KIAA0513: variants seen among roughly 807,000 people sequenced by gnomAD.
KIAA0513 encodes the protein KIAA0513.
A neutral mutation model predicts 56.5 loss-of-function variants in KIAA0513; 39 were observed. The ratio of observed to expected loss-of-function variants is 0.69; its 90% CI spans 0.53 to 0.90. The LOEUF (loss-of-function observed/expected upper bound fraction) is 0.90, where lower values mean the gene tolerates loss of function less well. Among genes scored for constraint, KIAA0513 ranks in the 40% least tolerant of loss-of-function variants. The pLI is 0.00. For synonymous variants in KIAA0513, 268 were observed against 215.6 expected (o/e 1.24, Z -2.13); for missense variants, 591 against 535.2 (o/e 1.10, Z -1.03).
At chr16:85,047,241 C>T (rs1457256778) in intron 1 of KIAA0513, among the ~76,000 whole-genome samples, 1 of 152,202 alleles carries the variant, frequency 6.6e-6, no homozygotes, top group African/African-American at 2.4e-5. Context: ...TCCGTCCTAA[C>T]CTTCAGTGCT....
chr16:85,029,608 G>A (rs746986352), intron 1 of KIAA0513, among the ~76,000 whole-genome samples: 1 of 152,202 alleles, frequency 6.6e-6, no homozygotes, highest in Non-Finnish European at 1.5e-5. Context: ...GGTGGGATGA[G>A]TCATGCTGTC....
At position 85,081,241 on chromosome 16, in the gene KIAA0513, C is replaced by A; in HGVS notation, c.903-74C>A. 1.5e-6 allele frequency: 2 copies of A among 1,322,172 alleles called. No individual in the cohort carries two copies. Among genetic ancestry groups the A allele is most frequent in the Non-Finnish European group, 2.2e-6 (2 of 916,360 alleles). 81.9% of individuals were successfully genotyped at this position (1,322,172 alleles called of 1,614,324 possible). On this transcript the variant is annotated intron_variant, in intron 8 of 12. Transcript: ENST00000683363. This position sits in a 1 kb window ranked among gnomAD's most constrained non-coding sequence, Gnocchi z 4.4. ...GATGTGAGACACTGCCCTTGTTTAT[C>A]CCTCAAGGGGCCCACAACCCGTGTC...
chr16:85,078,369 T>C, intron 6 of KIAA0513, 46 bp from the exon 7 acceptor site: 1 of 1,608,638 alleles, frequency 6.2e-7, no homozygotes, highest in Non-Finnish European at 8.5e-7. Flanking sequence ...GTTGAGAAAG[T>C]GTGGTGTGAG....
In KIAA0513 at chr16:85,067,120, G is replaced by A; in HGVS notation, c.49G>A (p.Glu17Lys). ...GGGCTCGCTAATCGACTTTGGGCCT[G>A]AGGCACCCACCTCTTCTCCCCTGGA... ...PVGSLIDFGP[E>K]APTSSPLEAP... Residue 17 changes from glutamate (E) to lysine (K), a missense_variant, in exon 2 of 13, where the codon GAG (glutamate) becomes AAG (lysine). By Grantham distance (56) the Glu-to-Lys change is moderately conservative. Coordinates refer to ENST00000683363, the MANE Select transcript of KIAA0513 (RefSeq NM_001388359.1). 2 of 1,611,534 alleles carry A rather than the reference G, an allele frequency of 1.2e-6. No homozygotes were observed. Among genetic ancestry groups the A allele is most frequent in the Non-Finnish European group, 1.7e-6 (2 of 1,178,388 alleles).
In KIAA0513 at chr16:85,088,358, G is replaced by C. The variant is rs372160511; in HGVS notation, c.*33G>C. ...AGGTCGCACTCCGCAGGAGGACTGA[G>C]GCCATGTGCCATTCTCCCGGGCCCA... On this transcript the variant is annotated 3_prime_UTR_variant, in exon 13 of 13. Coordinates refer to ENST00000683363, the MANE Select transcript of KIAA0513 (RefSeq NM_001388359.1). 3 of 1,595,616 alleles carry C rather than the reference G, an allele frequency of 1.9e-6. No individual in the cohort carries two copies. Among genetic ancestry groups the C allele is most frequent in the Admixed American group, 3.3e-5 (2 of 59,964 alleles).
intron 3 of KIAA0513, among the ~76,000 whole-genome samples, chr16:85,072,299 G>A (rs1046585958): frequency 5.9e-5 from 9 of 152,088 alleles, no homozygotes; most frequent in African/African-American, 2.2e-4. Flanking sequence ...ATGAAATTCC[G>A]GAAAAGCTCA....
At chr16:85,064,770 C>G (rs1198803004) in intron 1 of KIAA0513, among the ~76,000 whole-genome samples, 1 of 152,168 alleles carries the variant, frequency 6.6e-6, no homozygotes, top group Admixed American at 6.5e-5. Flanking sequence ...ACTGCAACCT[C>G]CGCCTCCTGG....
rs1418360191 is a variant in KIAA0513, at chr16:85,077,439, C to G, written c.589C>G (p.Leu197Val). Residue 197 changes from leucine (L) to valine (V), a missense_variant, in exon 6 of 13, where the codon CTG (leucine) becomes GTG (valine). Leu to Val is a conservative substitution (Grantham distance 32). Transcript: ENST00000683363. ...TYYHIGKPQLLPPESREKPAG... is the reference protein window; with the variant it reads ...TYYHIGKPQLVPPESREKPAG... ...TCTCATCCAAGGAAAACCACAGCTG[C>G]TGCCCCCGGAGTCCCGGGAGAAGCC... The G allele has an allele frequency of 6.2e-7, 1 of 1,613,976 alleles. No homozygotes were observed. Among genetic ancestry groups the G allele is most frequent in the African/African-American group, 1.3e-5 (1 of 74,950 alleles).
At chr16:85,041,154 A>C (rs1417116061) in intron 1 of KIAA0513, among the ~76,000 whole-genome samples, 1 of 152,236 alleles carries the variant, frequency 6.6e-6, no homozygotes, top group Non-Finnish European at 1.5e-5. Flanking sequence ...TTCCAAATAG[A>C]AACTGAAGTT....
intron 1 of KIAA0513, among the ~76,000 whole-genome samples, chr16:85,059,536 A>T (rs977994310): frequency 6.6e-6 from 1 of 152,212 alleles, no homozygotes; most frequent in Non-Finnish European, 1.5e-5. Flanking sequence ...ATGCTATCAG[A>T]TGCCAGGTCT....
chr16:85,067,992 A>G lies in KIAA0513; in HGVS notation c.329+592A>G, dbSNP rs925309403. Among the ~76,000 whole-genome samples the G allele has an allele frequency of 6.0e-5, 9 of 149,648 alleles. No homozygotes were observed. In the East Asian group the frequency reaches 1.4e-3, roughly 24 times the overall value. ...CGCTTGGCTAATTTTTGTATTTTCA[A>G]TAGAGACAGGGTTTCACCATGTTGG... On this transcript the variant is annotated intron_variant, in intron 2 of 12. Transcript: ENST00000683363.
At chr16:85,074,876 T>C (rs1198581306) in intron 4 of KIAA0513, among the ~76,000 whole-genome samples, 1 of 152,216 alleles carries the variant, frequency 6.6e-6, no homozygotes, top group African/African-American at 2.4e-5. Context: ...TTCTTTCTTT[T>C]TTTTAATTTG....
intron 1 of KIAA0513, among the ~76,000 whole-genome samples, chr16:85,045,371 T>G (rs1165675765): frequency 2.0e-5 from 3 of 152,134 alleles, no homozygotes; most frequent in Non-Finnish European, 4.4e-5. Flanking sequence ...CTTGTTTGTT[T>G]GTTTGTGACA....
rs1214617185 is a variant in KIAA0513, at chr16:85,088,735, G to T, written c.*410G>T. 2.2e-5 allele frequency: 4 copies of T among 181,324 alleles called. No homozygotes were observed. The allele number at this position is 181,324 out of a possible 1,614,324, so 11.2% of individuals were successfully genotyped here. ...CAGCCGGCACACCCAGTGGTGGAGG[G>T]CCGGCGCTGCCACTCACGGTGGGTG... is the stretch of plus-strand genomic sequence containing the variant. On this transcript the variant is annotated 3_prime_UTR_variant, in exon 13 of 13. Transcript: ENST00000683363.
At position 85,081,442 on chromosome 16, in the gene KIAA0513, G is replaced by A; in HGVS notation, c.980+50G>A. 1 of 1,475,292 alleles carries A rather than the reference G, an allele frequency of 6.8e-7. No homozygotes were observed. Among genetic ancestry groups the A allele is most frequent in the Non-Finnish European group, 9.3e-7 (1 of 1,077,354 alleles). The allele number at this position is 1,475,292 out of a possible 1,614,324, so 91.4% of individuals were successfully genotyped here. A position where few individuals can be genotyped will look rare whatever the true frequency, so the allele number is the denominator to read the frequency against. On this transcript the variant is annotated intron_variant, in intron 9 of 12. Transcript: ENST00000683363. The surrounding 1 kb of genome is among the most constrained non-coding windows in gnomAD (Gnocchi z 4.4). ...TGGCCTCAGGAAAAAGGACCAGGGA[G>A]TGGCTTTATTTCCCGGTTTCGGAAG...
chr16:85,070,455 A>C (rs2073556442), intron 2 of KIAA0513, among the ~76,000 whole-genome samples: 1 of 152,108 alleles, frequency 6.6e-6, no homozygotes, highest in South Asian at 2.1e-4. Flanking sequence ...AGGCAGGTGT[A>C]TCACCTAAGG....
At chr16:85,028,731 C>G (rs999742112) in intron 1 of KIAA0513, among the ~76,000 whole-genome samples, 1 of 151,820 alleles carries the variant, frequency 6.6e-6, no homozygotes, top group African/African-American at 2.4e-5. Flanking sequence ...CTAGCCAGGT[C>G]CTATTCCTCT....
intron 1 of KIAA0513, among the ~76,000 whole-genome samples, chr16:85,029,950 C>T (rs1482342846): frequency 6.6e-6 from 1 of 152,158 alleles, no homozygotes; most frequent in Non-Finnish European, 1.5e-5. Flanking sequence ...CTACTGGGGG[C>T]ACAGTGAAGT....
At chr16:85,050,343 ATTTAT>A (rs767438834) in intron 1 of KIAA0513, among the ~76,000 whole-genome samples, 3 of 106,072 alleles carry the variant, frequency 2.8e-5, no homozygotes, top group African/African-American at 9.4e-5. Context: ...TTATTTATTT[ATTTAT>A]TTATTTATTT....
Sources: allele counts gnomAD v4.1 joint callset (sites outside exome capture counted in the v4.1 genomes callset), GRCh38; gene constraint gnomAD v4.1.1; non-coding constraint Gnocchi (gnomAD v3.1); transcripts MANE v1.5; gene names NCBI Gene and HGNC (gene_info 2026-07-23, HGNC 2026-07-21).